TEX15: variants seen among roughly 807,000 people sequenced by gnomAD.
The protein encoded by TEX15 is testis-expressed protein 15.
A neutral mutation model predicts 237.3 loss-of-function variants in TEX15; 171 were observed. The ratio of observed to expected loss-of-function variants is 0.72; its 90% confidence interval spans 0.64 to 0.82. The LOEUF (loss-of-function observed/expected upper bound fraction) is 0.82, where lower values mean the gene tolerates loss of function less well. Among genes scored for constraint, TEX15 ranks in the 40% least tolerant of loss-of-function variants. The pLI, the probability that TEX15 is intolerant of heterozygous loss-of-function variation, is 0.00. For missense variants in TEX15, 3,750 were observed against 3,646.5 expected, an observed-to-expected ratio of 1.03 and a Z score of -0.73; for synonymous variants, 1,338 against 1,269.8, an observed-to-expected ratio of 1.05 and a Z score of -1.14.
Position 30,833,198 on chromosome 8 carries a change from T to TA in TEX15, c.*87dup. On this transcript the variant is annotated 3_prime_UTR_variant, in exon 11 of 11. Coordinates refer to ENST00000643185, the MANE Select transcript of TEX15 (RefSeq NM_001350162.2). ...TATTTCCTACCACATTTACAAACAT[T>TA]AAAAATCGCTAAATGTTAAAAAATA... is the stretch of plus-strand genomic sequence containing the variant. 1 of 867,838 alleles carries TA rather than the reference T, an allele frequency of 1.2e-6. No individual in the cohort carries two copies. Among genetic ancestry groups the TA allele is most frequent in the East Asian group, 2.7e-5 (1 of 36,834 alleles). The allele number at this position is 867,838 out of a possible 1,614,324, so 53.8% of individuals were successfully genotyped here.
At position 30,847,568 on chromosome 8, in the gene TEX15, C is replaced by G. The variant is rs1379221141; in HGVS notation, c.2599G>C (p.Ala867Pro). The change falls in exon 8 of 11, where the codon GCT (alanine) becomes CCT (proline). Residue 867 changes from alanine to proline, a missense_variant. Physicochemically the swap from Ala to Pro is conservative, Grantham distance 27 (BLOSUM62 -1). Coordinates refer to ENST00000643185, the MANE Select transcript of TEX15 (RefSeq NM_001350162.2). ...ACACATGAAGCACTATTCTCTTTAG[C>G]CTCATTTTGGTTTTCTCTATCTGTT... ...KQTDRENQNE[A>P]KENSASCVEN... The G allele has an allele frequency of 6.2e-7, 1 of 1,612,674 alleles. No homozygotes were observed.
intron 2 of TEX15, among the ~76,000 whole-genome samples, chr8:30,889,308 C>T (rs761711390): frequency 3.3e-5 from 5 of 151,970 alleles, no homozygotes; most frequent in South Asian, 2.1e-4. Context: ...AACAATTAGC[C>T]GGGTGTGGTG....
At chr8:30,874,404 AT>A (rs1480950130) in intron 4 of TEX15, among the ~76,000 whole-genome samples, 2 of 152,212 alleles carry the variant, frequency 1.3e-5, no homozygotes, top group Admixed American at 1.3e-4. Context: ...ATATGCTCTT[AT>A]TCTTATCAAA....
Position 30,833,117 on chromosome 8 carries a change from T to C in TEX15, c.*169A>G, listed in dbSNP as rs1807217157. The C allele has an allele frequency of 2.0e-6, 1 of 504,218 alleles. No individual in the cohort carries two copies. Among genetic ancestry groups the C allele is most frequent in the African/African-American group, 2.0e-5 (1 of 50,426 alleles). 31.2% of individuals were successfully genotyped at this position (504,218 alleles called of 1,614,324 possible). On this transcript the variant is annotated 3_prime_UTR_variant, in exon 11 of 11. Coordinates refer to ENST00000643185, the MANE Select transcript of TEX15 (RefSeq NM_001350162.2). ...GTATATCAGATGTTAGAAATTGATG[T>C]CCTATATGATATGTGTTAGATTATT...
chr8:30,833,019 T>A lies in TEX15; in HGVS notation c.*267A>T. ...ACATATCAGAAGCAAGAATCTAGTT[T>A]TAAAGATTTTACCACTATTGCTTAA... is the stretch of plus-strand genomic sequence containing the variant. On this transcript the variant is annotated 3_prime_UTR_variant, in exon 11 of 11. Coordinates refer to ENST00000643185, the MANE Select transcript of TEX15 (RefSeq NM_001350162.2). The A allele has an allele frequency of 3.6e-6, 1 of 277,606 alleles. No homozygotes were observed. Among genetic ancestry groups the A allele is most frequent in the Non-Finnish European group, 6.7e-6 (1 of 149,358 alleles). The allele number at this position is 277,606 out of a possible 1,614,324, so 17.2% of individuals were successfully genotyped here.
chr8:30,898,957 C>T (rs1397283693), intron 1 of TEX15, 140 bp from the exon 2 acceptor site: 1 of 152,128 alleles, frequency 6.6e-6, no homozygotes, highest in East Asian at 1.9e-4. Context: ...CTGTTCCATT[C>T]TGGGGGAGGG....
intron 4 of TEX15, 139 bp downstream of exon 4, chr8:30,874,796 CTA>C: frequency 2.1e-6 from 1 of 482,954 alleles, no homozygotes; most frequent in Non-Finnish European, 3.3e-6. Context: ...TTACAAAAGA[CTA>C]TGAGAATGTA....
rs771479338 is a variant in TEX15 at position 30,843,636 on chromosome 8, T to C, written c.6531A>G (p.Glu2177=). The change falls in exon 8 of 11, where the codon GAA becomes GAG. Residue 2177 remains glutamate, a synonymous_variant. Transcript: ENST00000643185. ...LKYKRQVNEC[E]AIMEHCSDCF... Reference sequence around the variant, plus strand: ...AATCGGAACAATGCTCCATTATGGCTTCACATTCATTAACCTGTCGTTTGT... The same window carrying C: ...AATCGGAACAATGCTCCATTATGGCCTCACATTCATTAACCTGTCGTTTGT... 3.1e-6 allele frequency: 5 copies of C among 1,612,804 alleles called. No homozygotes were observed. In the Admixed American group the frequency reaches 8.3e-5, roughly 27 times the overall value.
At chr8:30,862,756 CT>C (rs201130915) in intron 5 of TEX15, among the ~76,000 whole-genome samples, 5 of 151,450 alleles carry the variant, frequency 3.3e-5, no homozygotes, top group Non-Finnish European at 5.9e-5. Context: ...CAGAGTAAAT[CT>C]TTTTTTTTCT....
chr8:30,889,940 T>TATATACATATATATATATATATAC (rs1554502302), intron 2 of TEX15, among the ~76,000 whole-genome samples: 3 of 129,918 alleles, frequency 2.3e-5, no homozygotes, highest in African/African-American at 1.1e-4. Context: ...TATACATATA[T>TATATACATATATATATATATATAC]ATATATATAT....
chr8:30,855,824 G>A (rs1807896962), intron 7 of TEX15, among the ~76,000 whole-genome samples: 1 of 151,992 alleles, frequency 6.6e-6, no homozygotes. Context: ...AAAGAAATCA[G>A]GCGCAAAAAA....
chr8:30,871,599 A>G (rs1420599215), intron 4 of TEX15, among the ~76,000 whole-genome samples: 2 of 152,288 alleles, frequency 1.3e-5, no homozygotes, highest in East Asian at 3.9e-4. Context: ...TAATTATAAA[A>G]GATGATCTAG....
rs1807663721 is a variant in TEX15, at chr8:30,848,014, T to C, written c.2153A>G (p.Glu718Gly). Residue 718 changes from glutamate to glycine, a missense_variant, in exon 8 of 11, where the codon GAG (glutamate) becomes GGG (glycine). Glu to Gly is a moderately conservative substitution (Grantham distance 98, BLOSUM62 -2). Coordinates refer to ENST00000643185, the MANE Select transcript of TEX15 (RefSeq NM_001350162.2). ...CTGAGGATGCTTTTGTGACAGGCTC[T>C]CAAAACTTGGAGTAATTTGCCATTC... ...ALEWQITPSF[E>G]SLSQKHPQHS... is the part of the protein sequence containing the mutation. The C allele has an allele frequency of 6.2e-7, 1 of 1,613,848 alleles. No homozygotes were observed. Among genetic ancestry groups the C allele is most frequent in the South Asian group, 1.1e-5 (1 of 91,080 alleles).
rs1808061181 is a variant in TEX15 at position 30,861,998 on chromosome 8, A to G, written c.541-1941T>C. On this transcript the variant is annotated intron_variant, in intron 5 of 10. Transcript: ENST00000643185. ...CTGGCAAAAGTTTTTTTTAAAGTTC[A>G]GTATAATATATAGGTTTACTGAGGT... Among the ~76,000 whole-genome samples, 2 of 152,180 alleles carry G rather than the reference A, an allele frequency of 1.3e-5. 1 individual carries two copies. Among genetic ancestry groups the G allele is most frequent in the South Asian group, 4.1e-4 (2 of 4,838 alleles).
chr8:30,845,807 T>C lies in TEX15; in HGVS notation c.4360A>G (p.Lys1454Glu), dbSNP rs1487525027. ...TTTGGAGCTCTTTTCTTTCTCCGTT[T>C]GTCATATTTTCTTTTTGACGAAAAA... Reference protein sequence around the residue: ...KHFSSKRKYDKRRKKRAPKAD... With the variant: ...KHFSSKRKYDERRKKRAPKAD... Residue 1454 changes from lysine (K) to glutamate (E), a missense_variant, in exon 8 of 11, where the codon AAA becomes GAA. By Grantham distance (56) the Lys-to-Glu change is moderately conservative. Transcript: ENST00000643185. 6.8e-6 allele frequency: 11 copies of C among 1,609,112 alleles called. No homozygotes were observed. The highest frequency in any genetic ancestry group is 1.3e-5 in the African/African-American group (1 of 74,460).
intron 2 of TEX15, among the ~76,000 whole-genome samples, chr8:30,895,549 G>T (rs924874810): frequency 6.7e-6 from 1 of 149,078 alleles, no homozygotes; most frequent in African/African-American, 2.5e-5. Context: ...ATCTGGTTAA[G>T]TATTAGATCT....
chr8:30,836,218 T>TTG (rs1454430686), intron 10 of TEX15, among the ~76,000 whole-genome samples: 2 of 130,388 alleles, frequency 1.5e-5, no homozygotes, highest in African/African-American at 5.7e-5. Flanking sequence ...TTTTTTTTTT[T>TTG]TTTTTTTTTT....
At chr8:30,893,032 C>CA (rs60813874) in intron 2 of TEX15, among the ~76,000 whole-genome samples, 16,611 of 81,140 alleles carry the variant, frequency 0.2, 2,034 homozygotes, top group African/African-American at 0.4. Context: ...GACTCTGCCT[C>CA]AAAAAAAAAA....
chr8:30,849,727 C>A (rs886547798), intron 7 of TEX15, among the ~76,000 whole-genome samples: 11 of 151,868 alleles, frequency 7.2e-5, no homozygotes, highest in Admixed American at 2.0e-4. Flanking sequence ...AGGGTGAAAC[C>A]CTGCTAAAAT....
Sources: gnomAD v4.1 joint callset for allele counts (sites outside exome capture counted in the v4.1 genomes callset) on GRCh38, gnomAD v4.1.1 for gene constraint, MANE v1.5 for transcripts, NCBI Gene and HGNC (gene_info 2026-07-23, HGNC 2026-07-21) for gene names.